The following PTPN13 variants were observed in gnomAD, a reference collection of about 807,000 sequenced individuals.
PTPN13 encodes the protein protein tyrosine phosphatase non-receptor type 13.
In PTPN13, 191 loss-of-function variants were observed where a neutral mutation model predicts 284.0. That is an observed-to-expected ratio of 0.67 (90% CI 0.60 to 0.76). The LOEUF (loss-of-function observed/expected upper bound fraction) is 0.76, where lower values mean the gene tolerates loss of function less well. PTPN13 is among the 30% of genes least tolerant of loss of function. The pLI is 0.00. For synonymous variants in PTPN13, 986 were observed against 1,022.3 expected, an observed-to-expected ratio of 0.96 and a Z score of 0.68; for missense variants, 2,797 against 2,939.9, an observed-to-expected ratio of 0.95 and a Z score of 1.12.
chr4:86,635,890 G>A (rs1722958362), intron 2 of PTPN13, among the ~76,000 whole-genome samples: 1 of 152,142 alleles, frequency 6.6e-6, no homozygotes. Context: ...TTGAATCCAG[G>A]AGGTGGAGGT....
At chr4:86,737,256 TATAAA>T (rs927795749) in intron 15 of PTPN13, among the ~76,000 whole-genome samples, 58 of 150,934 alleles carry the variant, frequency 3.8e-4, no homozygotes, top group African/African-American at 1.0e-3. Context: ...TAAAATAAAA[TATAAA>T]ATAAAATAAA....
intron 10 of PTPN13, among the ~76,000 whole-genome samples, chr4:86,730,525 C>T (rs906632404): frequency 1.3e-5 from 2 of 149,892 alleles, no homozygotes; most frequent in Non-Finnish European, 3.0e-5. Context: ...AGACATCCCT[C>T]CCCCGACCAG....
chr4:86,616,712 C>T (rs1720588339), intron 1 of PTPN13, among the ~76,000 whole-genome samples: 1 of 152,130 alleles, frequency 6.6e-6, no homozygotes, highest in African/African-American at 2.4e-5. Flanking sequence ...GATGTGCCTA[C>T]TCCCCCTTCT....
At chr4:86,758,847 G>A in intron 22 of PTPN13, 62 bp downstream of exon 22, 2 of 1,586,840 alleles carry the variant, frequency 1.3e-6, no homozygotes, top group African/African-American at 2.7e-5. Flanking sequence ...AGGAACTTAG[G>A]CCAAACTAAA....
intron 14 of PTPN13, among the ~76,000 whole-genome samples, chr4:86,735,201 A>G (rs965832941): frequency 6.6e-6 from 1 of 152,184 alleles, no homozygotes; most frequent in Non-Finnish European, 1.5e-5. Flanking sequence ...TGCCTTCCAC[A>G]TGATGGGCTG....
At chr4:86,621,820 AT>A (rs1757099510) in intron 1 of PTPN13, among the ~76,000 whole-genome samples, 1 of 151,756 alleles carries the variant, frequency 6.6e-6, no homozygotes, top group East Asian at 1.9e-4. Flanking sequence ...TTTTTTTCTT[AT>A]TCTTTTCCTT....
chr4:86,785,439 T>A, intron 39 of PTPN13, 71 bp downstream of exon 39: 1 of 1,323,774 alleles, frequency 7.6e-7, no homozygotes, highest in Non-Finnish European at 1.0e-6. Flanking sequence ...ATTTTTTGAG[T>A]AAATATGTAA....
chr4:86,680,385 C>G (rs1028982815), intron 3 of PTPN13, among the ~76,000 whole-genome samples: 2 of 151,486 alleles, frequency 1.3e-5, no homozygotes, highest in Non-Finnish European at 2.9e-5. Flanking sequence ...ATCTATCTAT[C>G]TATCTATCTA....
chr4:86,722,685 A>T (rs1199464949), intron 10 of PTPN13, among the ~76,000 whole-genome samples: 1 of 152,206 alleles, frequency 6.6e-6, no homozygotes, highest in African/African-American at 2.4e-5. Context: ...ATACTTTAAA[A>T]GTATATTCAT....
At chr4:86,797,960 T>A (rs1007096811) in intron 41 of PTPN13, among the ~76,000 whole-genome samples, 2 of 152,144 alleles carry the variant, frequency 1.3e-5, no homozygotes. Flanking sequence ...TTTATTAACA[T>A]AAGCTCCATC....
At chr4:86,788,236 TCC>T (rs898950148) in intron 40 of PTPN13, among the ~76,000 whole-genome samples, 6 of 152,178 alleles carry the variant, frequency 3.9e-5, no homozygotes, top group African/African-American at 1.4e-4. Flanking sequence ...ATGACTAATC[TCC>T]CCTAGCTGAA....
Position 86,701,277 on chromosome 4 carries a change from A to G in PTPN13, c.671A>G (p.Lys224Arg). ...SSTSDVLDIQ[K>R]PPLSHQTFLN... Reference sequence around the variant, plus strand: ...ACTTCTGATGTACTAGACATACAAAAGCCTCCACTCTCTCATCAGACCTTT... The same window carrying G: ...ACTTCTGATGTACTAGACATACAAAGGCCTCCACTCTCTCATCAGACCTTT... Residue 224 changes from lysine (K) to arginine (R), a missense_variant, in exon 7 of 48, where the codon AAG (lysine) becomes AGG (arginine). Physicochemically the swap from Lys to Arg is conservative, Grantham distance 26 (BLOSUM62 2). Coordinates refer to ENST00000411767, the MANE Select transcript of PTPN13 (RefSeq NM_080683.3). The G allele has an allele frequency of 1.3e-6, 2 of 1,600,006 alleles. No individual in the cohort carries two copies. Among genetic ancestry groups the G allele is most frequent in the Non-Finnish European group, 1.7e-6 (2 of 1,174,456 alleles).
intron 16 of PTPN13, among the ~76,000 whole-genome samples, chr4:86,743,595 T>C (rs1422913752): frequency 6.6e-6 from 1 of 152,216 alleles, no homozygotes; most frequent in African/African-American, 2.4e-5. Flanking sequence ...AATTTCTGTT[T>C]CTAACAAAGA....
rs2287149 is a variant in PTPN13, at chr4:86,701,750, C to T, written c.1144C>T (p.Arg382Ter). The change falls in exon 7 of 48, where the codon CGA (arginine) becomes TGA (stop). Residue 382 changes from arginine (R) to a stop codon, truncating the protein, a stop_gained. Transcript: ENST00000411767. LOFTEE classifies it high-confidence loss of function. Reference sequence around the variant, plus strand: ...AATATCAAGTGCTTTGGACCGAATCCGAGAGAGACAAAAGAAACTTCAGGT... The same window carrying T: ...AATATCAAGTGCTTTGGACCGAATCTGAGAGAGACAAAAGAAACTTCAGGT... ...SAISSALDRIRERQKKLQVLR... is the reference protein window; with the variant it reads ...SAISSALDRI 15 of 1,613,324 alleles carry T rather than the reference C, an allele frequency of 9.3e-6. No homozygotes were observed. The highest frequency in any genetic ancestry group is 2.2e-5 in the East Asian group (1 of 44,862).
rs954758368 is a variant in PTPN13, at chr4:86,766,471, G to C, written c.4283G>C (p.Gly1428Ala). ...VLAVNGVSLE[G>A]ATHKQAVETL... ...GCTGTCAATGGAGTTAGTCTAGAAG[G>C]AGCCACCCATAAGCAAGCTGTGGAA... Residue 1428 changes from glycine to alanine, a missense_variant, in exon 27 of 48, where the codon GGA becomes GCA. Physicochemically the swap from Gly to Ala is moderately conservative, Grantham distance 60. Transcript: ENST00000411767. 7 of 1,610,436 alleles carry C rather than the reference G, an allele frequency of 4.3e-6. No homozygotes were observed. The Admixed American group carries it at 6.8e-5, about 16-fold the overall frequency.
intron 1 of PTPN13, among the ~76,000 whole-genome samples, chr4:86,621,743 A>C (rs1259258083): frequency 1.3e-5 from 2 of 152,180 alleles, no homozygotes; most frequent in African/African-American, 4.8e-5. Context: ...GTTTGTCATA[A>C]GTAGTTGGGA....
chr4:86,695,360 T>C lies in PTPN13; in HGVS notation c.634+1686T>C, dbSNP rs537667080. 6.6e-5 allele frequency among the ~76,000 whole-genome samples: 10 copies of C among 152,182 alleles called. No individual in the cohort carries two copies. The South Asian group carries it at 2.1e-3, about 32-fold the overall frequency. ...ATACTTATGTCCCCATACTGTACTT[T>C]TGTCACTTTCTTTTTGTAGGTAAAA... On this transcript the variant is annotated intron_variant, in intron 6 of 47. Transcript: ENST00000411767.
intron 1 of PTPN13, among the ~76,000 whole-genome samples, chr4:86,597,443 C>T (rs1028495186): frequency 1.3e-5 from 2 of 152,144 alleles, no homozygotes; most frequent in East Asian, 3.9e-4. Flanking sequence ...GACAATGTCT[C>T]GCTGTATTGA....
chr4:86,598,918 T>A (rs936102278), intron 1 of PTPN13, among the ~76,000 whole-genome samples: 1 of 152,118 alleles, frequency 6.6e-6, no homozygotes, highest in African/African-American at 2.4e-5. Flanking sequence ...GTGCGCGCTA[T>A]CCAGCTAATT....
Sources: gnomAD v4.1 joint callset for allele counts (sites outside exome capture counted in the v4.1 genomes callset) on GRCh38, gnomAD v4.1.1 for gene constraint, MANE v1.5 for transcripts, NCBI Gene and HGNC (gene_info 2026-07-23, HGNC 2026-07-21) for gene names.